GAL3ST1: variants seen among roughly 807,000 people sequenced by gnomAD.
The protein encoded by GAL3ST1 is galactose-3-O-sulfotransferase 1.
A neutral mutation model predicts 25.0 loss-of-function variants in GAL3ST1; 13 were observed. The observed-to-expected ratio is 0.52, with a 90% CI of 0.34 to 0.83. GAL3ST1 has a LOEUF of 0.83. Ranked by LOEUF, GAL3ST1 falls within the 40% of genes least tolerant of loss-of-function variation. GAL3ST1 has a pLI of 0.02. For missense variants in GAL3ST1, 474 were observed against 613.6 expected (o/e 0.77, Z 2.40); for synonymous variants, 274 against 277.8 (o/e 0.99, Z 0.14).
chr22:30,572,935 G>A (rs1450211386), intron 1 of GAL3ST1: 1 of 152,216 alleles, frequency 6.6e-6, no homozygotes, highest in Non-Finnish European at 1.5e-5. Flanking sequence ...AACACAGTGG[G>A]AGGGGCTGTG....
At chr22:30,561,774 G>A (rs747699985) in intron 1 of GAL3ST1, among the ~76,000 whole-genome samples, 23 of 152,180 alleles carry the variant, frequency 1.5e-4, no homozygotes, top group Non-Finnish European at 2.8e-4. Context: ...GAAAGCAGAG[G>A]GGGCCCTGGT....
intron 1 of GAL3ST1, among the ~76,000 whole-genome samples, chr22:30,563,667 T>A (rs890822066): frequency 2.7e-5 from 4 of 150,608 alleles, no homozygotes; most frequent in African/African-American, 9.8e-5. Context: ...TAATCCCAGC[T>A]CTTTGGGAGG....
At chr22:30,560,348 T>C (rs1203103383) in intron 1 of GAL3ST1, 1 of 152,096 alleles carries the variant, frequency 6.6e-6, no homozygotes, top group African/African-American at 2.4e-5. Context: ...AGAACCCTCA[T>C]GGAGTCTCAG....
chr22:30,555,686 A>G lies in GAL3ST1; in HGVS notation c.539T>C (p.Val180Ala). The G allele has an allele frequency of 2.5e-6, 4 of 1,613,848 alleles. No homozygotes were observed. In the South Asian group the frequency reaches 3.3e-5, roughly 13 times the overall value. ...CGAGAGCTTCCACGTGAGGGGCACC[A>G]CCGGCCCGAAGTAGTGGAAGGAGGA... is the stretch of plus-strand genomic sequence containing the variant. ...FESSFHYFGPVVPLTWKLSAG... is the reference protein window; with the variant it reads ...FESSFHYFGPAVPLTWKLSAG... The change falls in exon 4 of 4, where the codon GTG becomes GCG. Residue 180 changes from valine to alanine, a missense_variant. Around this residue, in one of 2 missense-constraint regions of GAL3ST1, gnomAD observed 359 missense variants for 504.4 expected, o/e 0.71. Coordinates refer to ENST00000406361, the MANE Select transcript of GAL3ST1 (RefSeq NM_001318104.2). The surrounding 1 kb of genome is among the most constrained non-coding windows in gnomAD (Gnocchi z 8.6).
intron 1 of GAL3ST1, among the ~76,000 whole-genome samples, chr22:30,570,578 C>T (rs1026419554): frequency 2.8e-4 from 42 of 152,256 alleles, no homozygotes; most frequent in Admixed American, 2.6e-3. Flanking sequence ...GGGTGGATCA[C>T]CTGAGGTCGG....
intron 1 of GAL3ST1, among the ~76,000 whole-genome samples, chr22:30,562,461 C>G (rs998469287): frequency 1.3e-5 from 2 of 152,190 alleles, no homozygotes; most frequent in Non-Finnish European, 1.5e-5. Flanking sequence ...AGCCACCATG[C>G]CATGCCCTAA....
chr22:30,564,527 TCCC>T (rs1028228354), intron 1 of GAL3ST1, among the ~76,000 whole-genome samples: 1 of 152,022 alleles, frequency 6.6e-6, no homozygotes, highest in African/African-American at 2.4e-5. Context: ...GGATGGACGG[TCCC>T]CCCGTCACCA....
Position 30,555,544 on chromosome 22 carries a change from G to A in GAL3ST1, c.681C>T (p.Ser227=), listed in dbSNP as rs1338445625. ...LLFFDLGYDN[S]LDPSSPQVQE... ...GCACCTGCGGGCTGCTGGGGTCCAG[G>A]CTGTTGTCATAGCCCAGGTCGAAGA... is the stretch of plus-strand genomic sequence containing the variant. The change falls in exon 4 of 4, where the codon AGC becomes AGT. Residue 227 remains serine, a synonymous_variant. Coordinates refer to ENST00000406361, the MANE Select transcript of GAL3ST1 (RefSeq NM_001318104.2). The surrounding 1 kb of genome is among the most constrained non-coding windows in gnomAD (Gnocchi z 8.6). 1.2e-6 allele frequency: 2 copies of A among 1,613,520 alleles called. No homozygotes were observed. Among genetic ancestry groups the A allele is most frequent in the Admixed American group, 3.3e-5 (2 of 60,006 alleles).
intron 2 of GAL3ST1, 107 bp from the exon 3 acceptor site, chr22:30,557,508 C>T (rs1367840270): frequency 5.2e-5 from 65 of 1,261,426 alleles, no homozygotes; most frequent in Non-Finnish European, 6.9e-5. Context: ...TGCTCTGTGG[C>T]CCCCCAGCAG....
intron 1 of GAL3ST1, among the ~76,000 whole-genome samples, chr22:30,559,569 T>C (rs1444793011): frequency 1.3e-5 from 2 of 152,122 alleles, no homozygotes; most frequent in Non-Finnish European, 2.9e-5. Context: ...ATTTATTTTA[T>C]ATTATTATTT....
At position 30,558,352 on chromosome 22, in the gene GAL3ST1, G is replaced by A. The variant is rs2086167884; in HGVS notation, c.-83C>T. On this transcript the variant is annotated 5_prime_UTR_variant, in exon 2 of 4. Transcript: ENST00000406361. Reference sequence around the variant, plus strand: ...CTGAGTTCCAGTGAGCCATGACTGTGCCGCTGCACTCCAGCTCTGGATGAC... The same window carrying A: ...CTGAGTTCCAGTGAGCCATGACTGTACCGCTGCACTCCAGCTCTGGATGAC... 1 of 152,194 alleles carries A rather than the reference G, an allele frequency of 6.6e-6. No individual in the cohort carries two copies. 9.4% of individuals were successfully genotyped at this position (152,194 alleles called of 1,614,324 possible).
Position 30,555,346 on chromosome 22 carries a change from C to G in GAL3ST1, c.879G>C (p.Leu293=). 2 of 1,607,554 alleles carry G rather than the reference C, an allele frequency of 1.2e-6. No homozygotes were observed. The highest frequency in any genetic ancestry group is 1.7e-6 in the Non-Finnish European group (2 of 1,179,500). ...TGTTCCAGGCGGTGGCGCGCCCATA[C>G]AGCTCCCCCGAGAGCCGCGGCACGG... ...DSPVPRLSGE[L]YGRATAWNML... is the part of the protein sequence containing the mutation. Residue 293 remains leucine, a synonymous_variant, in exon 4 of 4, where the codon CTG becomes CTC. Transcript: ENST00000406361. This position sits in a 1 kb window ranked among gnomAD's most constrained non-coding sequence, Gnocchi z 8.6.
chr22:30,563,915 CA>C (rs5844911), intron 1 of GAL3ST1, among the ~76,000 whole-genome samples: 84,114 of 128,278 alleles, frequency 0.66, 24,832 homozygotes, highest in East Asian at 0.92. Flanking sequence ...GACCCCGTCT[CA>C]AAAAAAAAAA....
intron 1 of GAL3ST1, among the ~76,000 whole-genome samples, chr22:30,568,512 A>C (rs2086690705): frequency 6.6e-6 from 1 of 152,058 alleles, no homozygotes; most frequent in Non-Finnish European, 1.5e-5. Flanking sequence ...TTGCATCTCC[A>C]CCCACCAGAC....
At chr22:30,564,165 G>A (rs918904343) in intron 1 of GAL3ST1, among the ~76,000 whole-genome samples, 4 of 152,212 alleles carry the variant, frequency 2.6e-5, no homozygotes, top group Admixed American at 6.5e-5. Context: ...GCATTCCACA[G>A]GGAAAGCACC....
chr22:30,555,228 C>A lies in GAL3ST1; in HGVS notation c.997G>T (p.Ala333Ser). The A allele has an allele frequency of 6.3e-7, 1 of 1,598,180 alleles. No homozygotes were observed. The highest frequency in any genetic ancestry group is 1.7e-5 in the Admixed American group (1 of 59,562). ...ATGCGCTCGTTGGCATGGCGCAGGG[C>A]GGCCACCTCGCGGGCCATGCGCTCC... ...GRERMAREVA[A>S]LRHANERMRT... is the part of the protein sequence containing the mutation. The change falls in exon 4 of 4, where the codon GCC (alanine) becomes TCC (serine). Residue 333 changes from alanine to serine, a missense_variant. Physicochemically the swap from Ala to Ser is moderately conservative, Grantham distance 99 (BLOSUM62 1). Coordinates refer to ENST00000406361, the MANE Select transcript of GAL3ST1 (RefSeq NM_001318104.2). This position sits in a 1 kb window ranked among gnomAD's most constrained non-coding sequence, Gnocchi z 8.6.
Position 30,554,816 on chromosome 22 carries a change from C to G in GAL3ST1, c.*137G>C. 1.6e-6 allele frequency: 1 copy of G among 622,942 alleles called. No homozygotes were observed. The highest frequency in any genetic ancestry group is 2.7e-6 in the Non-Finnish European group (1 of 373,264). 38.6% of individuals were successfully genotyped at this position (622,942 alleles called of 1,614,324 possible). On this transcript the variant is annotated 3_prime_UTR_variant, in exon 4 of 4. Coordinates refer to ENST00000406361, the MANE Select transcript of GAL3ST1 (RefSeq NM_001318104.2). ...TGGGCCCAGTCTTGGCTGGCTGCCTCCCCCCAGGGAGCCCCCCCTCACCCC... is the reference window on the plus strand; with the variant it reads ...TGGGCCCAGTCTTGGCTGGCTGCCTGCCCCCAGGGAGCCCCCCCTCACCCC...
In GAL3ST1 at chr22:30,555,460, G is replaced by A. The variant is rs777987176; in HGVS notation, c.765C>T (p.Phe255=). The A allele has an allele frequency of 1.9e-6, 3 of 1,613,210 alleles. No homozygotes were observed. The highest frequency in any genetic ancestry group is 3.3e-5 in the Admixed American group (2 of 60,026). The change falls in exon 4 of 4, where the codon TTC becomes TTT. Residue 255 remains phenylalanine, a synonymous_variant. Coordinates refer to ENST00000406361, the MANE Select transcript of GAL3ST1 (RefSeq NM_001318104.2). This position sits in a 1 kb window ranked among gnomAD's most constrained non-coding sequence, Gnocchi z 8.6. ...RFHLVLLQEY[F]DESLVLLKDL... ...CCTTCAGCAGCACCAGCGACTCGTC[G>A]AAGTACTCTTGAAGGAGCACCAGGT...
rs749305739 is a variant in GAL3ST1, at chr22:30,555,250, C to T, written c.975G>A (p.Glu325=). 16 of 1,599,436 alleles carry T rather than the reference C, an allele frequency of 1.0e-5. No individual in the cohort carries two copies. The South Asian group carries it at 1.7e-4, about 17-fold the overall frequency. The change falls in exon 4 of 4, where the codon GAG becomes GAA. Residue 325 remains glutamate (E), a synonymous_variant. Transcript: ENST00000406361. This position sits in a 1 kb window ranked among gnomAD's most constrained non-coding sequence, Gnocchi z 8.6. The part of the protein sequence containing the change: ...FWRKVEAFGR[E]RMAREVAALR... The stretch of plus-strand genomic sequence containing the variant: ...GGGCGGCCACCTCGCGGGCCATGCG[C>T]TCCCGCCCGAAGGCCTCCACCTTGC...
Sources: gnomAD v4.1 joint callset for allele counts (sites outside exome capture counted in the v4.1 genomes callset) on GRCh38, gnomAD v4.1.1 for gene constraint, gnomAD v4.1.1 regional missense constraint, Gnocchi (gnomAD v3.1) non-coding constraint, MANE v1.5 for transcripts, NCBI Gene and HGNC (gene_info 2026-07-23, HGNC 2026-07-21) for gene names.